The following RBMS3 variants were observed in gnomAD, a reference collection of about 807,000 sequenced individuals.
RBMS3 encodes RNA-binding motif, single-stranded-interacting protein 3.
RBMS3 carries 27 observed loss-of-function variants against 66.8 expected under a neutral mutation model. The ratio of observed to expected loss-of-function variants is 0.40; its 90% CI spans 0.30 to 0.56. The LOEUF (loss-of-function observed/expected upper bound fraction) is 0.56, where lower values mean the gene tolerates loss of function less well. Ranked by LOEUF, RBMS3 falls within the 20% of genes least tolerant of loss-of-function variation. RBMS3 has a pLI of 0.40. For synonymous variants in RBMS3, 188 were observed against 183.0 expected (o/e 1.03, Z -0.22); for missense variants, 513 against 549.5 (o/e 0.93, Z 0.66).
At chr3:29,317,449 C>T (rs560554939) in intron 1 of RBMS3, among the ~76,000 whole-genome samples, 1 of 151,628 alleles carries the variant, frequency 6.6e-6, no homozygotes, top group South Asian at 2.1e-4. Context: ...CTCACCTATT[C>T]TATCATTATT....
intron 10 of RBMS3, among the ~76,000 whole-genome samples, chr3:29,905,536 T>C (rs886361141): frequency 6.6e-6 from 1 of 152,092 alleles, no homozygotes; most frequent in Non-Finnish European, 1.5e-5. Flanking sequence ...ATGCCAATAT[T>C]TATCACATAA....
intron 7 of RBMS3, among the ~76,000 whole-genome samples, chr3:29,872,703 G>A (rs1215713790): frequency 6.6e-6 from 1 of 152,038 alleles, no homozygotes; most frequent in Admixed American, 6.6e-5. Flanking sequence ...TTCCTCCCCG[G>A]TGCCTCCTCC....
intron 1 of RBMS3, among the ~76,000 whole-genome samples, chr3:29,371,786 A>G (rs939849763): frequency 3.9e-5 from 6 of 152,328 alleles, no homozygotes; most frequent in African/African-American, 1.4e-4. Flanking sequence ...TGGAGGAGAG[A>G]GGAATTAAAA....
chr3:29,446,089 A>G (rs1261417032), intron 2 of RBMS3, among the ~76,000 whole-genome samples: 2 of 152,158 alleles, frequency 1.3e-5, no homozygotes, highest in Non-Finnish European at 2.9e-5. Context: ...TCCACAATTT[A>G]AAATCATCCT....
At chr3:29,983,405 C>A (rs1698142916) in intron 12 of RBMS3, among the ~76,000 whole-genome samples, 1 of 152,078 alleles carries the variant, frequency 6.6e-6, no homozygotes, top group Non-Finnish European at 1.5e-5. Flanking sequence ...GGGCATTTAG[C>A]TCATTTACAT....
chr3:29,582,172 A>AGAT (rs1327406292), intron 3 of RBMS3, among the ~76,000 whole-genome samples: 4 of 149,998 alleles, frequency 2.7e-5, no homozygotes, highest in Non-Finnish European at 5.9e-5. Context: ...ATAGATAGAT[A>AGAT]GATAGATAGA....
At chr3:29,495,472 G>A (rs2043711684) in intron 3 of RBMS3, among the ~76,000 whole-genome samples, 1 of 145,500 alleles carries the variant, frequency 6.9e-6, no homozygotes, top group African/African-American at 2.6e-5. Flanking sequence ...CCAGGCTGGA[G>A]TGCAGTGGTG....
At chr3:29,419,443 T>C (rs1289859132) in intron 1 of RBMS3, among the ~76,000 whole-genome samples, 1 of 152,204 alleles carries the variant, frequency 6.6e-6, no homozygotes, top group Non-Finnish European at 1.5e-5. Flanking sequence ...GGTTAAATTT[T>C]TATCAATTAC....
chr3:29,689,243 T>A (rs1179038126), intron 4 of RBMS3, among the ~76,000 whole-genome samples: 1 of 152,134 alleles, frequency 6.6e-6, no homozygotes, highest in African/African-American at 2.4e-5. Flanking sequence ...TTGGATATTA[T>A]CCTTGCCTTA....
At chr3:29,945,235 G>C (rs1436596561) in intron 12 of RBMS3, among the ~76,000 whole-genome samples, 1 of 151,662 alleles carries the variant, frequency 6.6e-6, no homozygotes, top group South Asian at 2.1e-4. Context: ...AGTTGAATCT[G>C]TCAACCTGCT....
At chr3:29,749,037 A>G (rs2055057817) in intron 5 of RBMS3, among the ~76,000 whole-genome samples, 1 of 152,224 alleles carries the variant, frequency 6.6e-6, no homozygotes, top group African/African-American at 2.4e-5. Flanking sequence ...TTAGAATATT[A>G]TGACTTTAAT....
intron 1 of RBMS3, among the ~76,000 whole-genome samples, chr3:29,358,639 T>A (rs893433479): frequency 1.3e-4 from 20 of 152,198 alleles, no homozygotes; most frequent in Non-Finnish European, 2.6e-4. Flanking sequence ...CCTTGGGCAG[T>A]ATGGCCATTT....
At chr3:29,930,917 T>A (rs1577181894) in intron 10 of RBMS3, among the ~76,000 whole-genome samples, 1 of 152,118 alleles carries the variant, frequency 6.6e-6, no homozygotes, top group Non-Finnish European at 1.5e-5. Context: ...TTTGTAATGA[T>A]CCATTTTAAC....
chr3:30,000,339 A>T (rs911129093), intron 14 of RBMS3, among the ~76,000 whole-genome samples: 1 of 152,242 alleles, frequency 6.6e-6, no homozygotes. Context: ...CCACAATGAG[A>T]TACCATTTCA....
intron 1 of RBMS3, among the ~76,000 whole-genome samples, chr3:29,406,253 G>T (rs1013214368): frequency 1.3e-5 from 2 of 152,266 alleles, no homozygotes; most frequent in Admixed American, 6.5e-5. Flanking sequence ...CTGACCTTAA[G>T]ATAATGTAAA....
chr3:29,999,846 C>T (rs544270002), intron 14 of RBMS3, among the ~76,000 whole-genome samples: 5 of 152,092 alleles, frequency 3.3e-5, no homozygotes, highest in Admixed American at 2.6e-4. Flanking sequence ...CAACATGGCA[C>T]ATGTGTACAT....
At chr3:29,505,213 C>A (rs558303943) in intron 3 of RBMS3, among the ~76,000 whole-genome samples, 101 of 151,764 alleles carry the variant, frequency 6.7e-4, no homozygotes, top group Middle Eastern at 3.4e-3. Flanking sequence ...ATTTTTAATC[C>A]CTTTTGAGTT....
intron 6 of RBMS3, among the ~76,000 whole-genome samples, chr3:29,811,282 A>G (rs1197114125): frequency 6.6e-6 from 1 of 152,050 alleles, no homozygotes; most frequent in Non-Finnish European, 1.5e-5. Context: ...TGCAAGAGTC[A>G]TCTCCAGATC....
intron 4 of RBMS3, among the ~76,000 whole-genome samples, chr3:29,686,407 G>A (rs1168215660): frequency 1.3e-5 from 2 of 152,120 alleles, no homozygotes; most frequent in Non-Finnish European, 2.9e-5. Context: ...AAATAGGCCG[G>A]GCATGGTGGC....
Sources: allele counts gnomAD v4.1 joint callset (sites outside exome capture counted in the v4.1 genomes callset), GRCh38; gene constraint gnomAD v4.1.1; transcripts MANE v1.5; gene names NCBI Gene and HGNC (gene_info 2026-07-23, HGNC 2026-07-21).